Variants in CDH2 observed in about 807,000 individuals in gnomAD.
CDH2 encodes cadherin 2, also known as cadherin-2.
Under a neutral mutation model 92.0 loss-of-function variants are expected in CDH2, and 17 were observed. The ratio of observed to expected loss-of-function variants is 0.18; its 90% CI spans 0.13 to 0.28. CDH2 has a LOEUF of 0.28. Ranked by LOEUF, CDH2 falls within the 10% of genes least tolerant of loss-of-function variation. The pLI, the probability that CDH2 is intolerant of heterozygous loss-of-function variation, is 1.00. For synonymous variants in CDH2, 419 were observed against 415.9 expected (o/e 1.01, Z -0.09); for missense variants, 862 against 1,133.1 (o/e 0.76, Z 3.44).
At chr18:28,070,574 T>C (rs1391069216) in intron 2 of CDH2, among the ~76,000 whole-genome samples, 2 of 152,194 alleles carry the variant, frequency 1.3e-5, no homozygotes, top group Non-Finnish European at 2.9e-5. Flanking sequence ...AGGGAATACA[T>C]ACAACTAGCC....
At chr18:28,153,547 C>T (rs1052336534) in intron 1 of CDH2, among the ~76,000 whole-genome samples, 2 of 152,204 alleles carry the variant, frequency 1.3e-5, no homozygotes, top group African/African-American at 2.4e-5. Flanking sequence ...GCAACACCCC[C>T]CAACCCCCCG....
intron 7 of CDH2, among the ~76,000 whole-genome samples, chr18:28,001,514 A>G (rs943033735): frequency 6.6e-6 from 1 of 152,226 alleles, no homozygotes; most frequent in Non-Finnish European, 1.5e-5. Context: ...TTCTCTAATA[A>G]ATTATGGCAT....
intron 14 of CDH2, among the ~76,000 whole-genome samples, chr18:27,971,223 G>A (rs545620714): frequency 7.6e-5 from 11 of 144,288 alleles, no homozygotes; most frequent in African/African-American, 1.2e-4. Flanking sequence ...GCAACAGAGC[G>A]AGACTCCATC....
intron 2 of CDH2, among the ~76,000 whole-genome samples, chr18:28,032,833 TC>T (rs1360897100): frequency 6.6e-6 from 1 of 152,018 alleles, no homozygotes; most frequent in East Asian, 1.9e-4. Context: ...AAGGGAAATT[TC>T]CATTTCTTGT....
chr18:27,988,477 G>C (rs200918689), intron 11 of CDH2, 47 bp downstream of exon 11: 1 of 1,543,166 alleles, frequency 6.5e-7, no homozygotes, highest in African/African-American at 1.4e-5. Flanking sequence ...TGCATGATGA[G>C]GATCTACTGT....
At chr18:28,072,495 C>G (rs748605369) in intron 2 of CDH2, among the ~76,000 whole-genome samples, 28 of 152,204 alleles carry the variant, frequency 1.8e-4, no homozygotes, top group Non-Finnish European at 3.1e-4. Context: ...TAATCATGCA[C>G]TTGTTAACTA....
At chr18:27,981,817 C>A (rs1450099242) in intron 14 of CDH2, among the ~76,000 whole-genome samples, 1 of 152,124 alleles carries the variant, frequency 6.6e-6, no homozygotes, top group Non-Finnish European at 1.5e-5. Flanking sequence ...CTTACTGATA[C>A]TGATGCAAAA....
chr18:27,960,634 A>C (rs2143878417), intron 15 of CDH2, among the ~76,000 whole-genome samples: 1 of 152,368 alleles, frequency 6.6e-6, no homozygotes, highest in Non-Finnish European at 1.5e-5. Context: ...TGTCTAATTT[A>C]TGCTTTTATC....
intron 14 of CDH2, among the ~76,000 whole-genome samples, chr18:27,974,052 G>A (rs1205246872): frequency 1.3e-5 from 2 of 152,120 alleles, no homozygotes; most frequent in African/African-American, 2.4e-5. Flanking sequence ...CTGTTACAGC[G>A]GCTAGCCTAT....
At chr18:28,113,029 TATG>T (rs1283008976) in intron 2 of CDH2, among the ~76,000 whole-genome samples, 2 of 152,184 alleles carry the variant, frequency 1.3e-5, no homozygotes, top group Non-Finnish European at 2.9e-5. Flanking sequence ...ATGTGTGGAC[TATG>T]ATGATAATAA....
rs181708576 is a variant in CDH2, at chr18:28,038,743, G to A, written c.173-24834C>T. 1.2e-4 allele frequency among the ~76,000 whole-genome samples: 18 copies of A among 152,090 alleles called. No individual in the cohort carries two copies. In the South Asian group the frequency reaches 2.3e-3, roughly 19 times the overall value. On this transcript the variant is annotated intron_variant, in intron 2 of 15. Transcript: ENST00000269141. ...TACAAAATGTACTGATGTCAGCCTT[G>A]TTTCGTGTTTTCTCCTTATTGAATT...
chr18:27,992,560 G>T, intron 9 of CDH2, 95 bp downstream of exon 9: 1 of 1,022,498 alleles, frequency 9.8e-7, no homozygotes, highest in Non-Finnish European at 1.4e-6. Flanking sequence ...AAAGAAAAAC[G>T]TCCTAAGTTT....
In CDH2 at chr18:28,109,655, C is replaced by A. The variant is rs561702496; in HGVS notation, c.172+38018G>T. Among the ~76,000 whole-genome samples, 9 of 152,178 alleles carry A rather than the reference C, an allele frequency of 5.9e-5. No individual in the cohort carries two copies. In the South Asian group the frequency reaches 1.9e-3, roughly 32 times the overall value. Reference sequence around the variant, plus strand: ...ATTTCAGTATCATTCAAGACAAAACCAAGTCTTAGCTTCCAGGTGAATTCA... The same window carrying A: ...ATTTCAGTATCATTCAAGACAAAACAAAGTCTTAGCTTCCAGGTGAATTCA... On this transcript the variant is annotated intron_variant, in intron 2 of 15. Coordinates refer to ENST00000269141, the MANE Select transcript of CDH2 (RefSeq NM_001792.5).
chr18:28,067,914 C>T (rs2014540810), intron 2 of CDH2, among the ~76,000 whole-genome samples: 1 of 152,082 alleles, frequency 6.6e-6, no homozygotes, highest in African/African-American at 2.4e-5. Flanking sequence ...TGAGACAAGA[C>T]TATTTCTGAG....
chr18:28,116,706 T>C (rs1408508105), intron 2 of CDH2, among the ~76,000 whole-genome samples: 1 of 152,196 alleles, frequency 6.6e-6, no homozygotes, highest in African/African-American at 2.4e-5. Flanking sequence ...GTCTTTGATC[T>C]TGAGCACAGA....
At chr18:28,051,359 A>C (rs1017546369) in intron 2 of CDH2, among the ~76,000 whole-genome samples, 1 of 152,172 alleles carries the variant, frequency 6.6e-6, no homozygotes, top group Admixed American at 6.6e-5. Context: ...TGACCTTGGG[A>C]AAATACTAAA....
chr18:28,151,668 G>A (rs2016124820), intron 1 of CDH2, among the ~76,000 whole-genome samples: 1 of 152,142 alleles, frequency 6.6e-6, no homozygotes, highest in African/African-American at 2.4e-5. Context: ...CACTCTGCCA[G>A]GCCTAGGATG....
intron 2 of CDH2, among the ~76,000 whole-genome samples, chr18:28,129,760 C>G (rs1443315317): frequency 5.3e-5 from 8 of 152,108 alleles, no homozygotes; most frequent in Admixed American, 5.2e-4. Context: ...GCTCAGGAGG[C>G]TGCAGCTGCA....
chr18:28,147,728 A>T lies in CDH2; in HGVS notation c.117T>A (p.Asp39Glu), dbSNP rs879180473. Residue 39 changes from aspartate to glutamate, a missense_variant, in exon 2 of 16, where the codon GAT becomes GAA. Asp to Glu is a conservative substitution (Grantham distance 45). Coordinates refer to ENST00000269141, the MANE Select transcript of CDH2 (RefSeq NM_001792.5). ...CCTTCGATAAGACTGCACTGTAAAC[A>T]TCTTCAGGAAATCCAGTCTTGCATA... ...IALCKTGFPE[D>E]VYSAVLSKDV... The T allele has an allele frequency of 6.2e-7, 1 of 1,613,146 alleles. No homozygotes were observed. The highest frequency in any genetic ancestry group is 2.2e-5 in the East Asian group (1 of 44,856).
Sources: allele counts gnomAD v4.1 joint callset (sites outside exome capture counted in the v4.1 genomes callset), GRCh38; gene constraint gnomAD v4.1.1; transcripts MANE v1.5; gene names NCBI Gene and HGNC (gene_info 2026-07-23, HGNC 2026-07-21).